The following CHCHD6 variants were observed in gnomAD, a reference collection of about 807,000 sequenced individuals.
The protein encoded by CHCHD6 is MICOS complex subunit MIC25.
In CHCHD6, 28 loss-of-function variants were observed where a neutral mutation model predicts 32.3. The observed-to-expected ratio is 0.87, with a 90% CI of 0.64 to 1.19. The LOEUF is 1.19. Among genes scored for constraint, CHCHD6 ranks in the 50% most tolerant of loss-of-function variants. The pLI, the probability that CHCHD6 is intolerant of heterozygous loss-of-function variation, is 0.00. For synonymous variants in CHCHD6, 122 were observed against 117.5 expected, an observed-to-expected ratio of 1.04 and a Z score of -0.25; for missense variants, 333 against 307.0, an observed-to-expected ratio of 1.08 and a Z score of -0.63.
intron 4 of CHCHD6, among the ~76,000 whole-genome samples, chr3:126,819,230 T>G (rs1940048930): frequency 6.6e-6 from 1 of 152,280 alleles, no homozygotes; most frequent in East Asian, 1.9e-4. Context: ...GCAGGCACAG[T>G]AGGCCTGAAT....
chr3:126,826,149 A>G (rs1477798214), intron 4 of CHCHD6, among the ~76,000 whole-genome samples: 1 of 152,212 alleles, frequency 6.6e-6, no homozygotes, highest in Admixed American at 6.5e-5. Flanking sequence ...CACCAATACT[A>G]AGATATTCCA....
intron 1 of CHCHD6, among the ~76,000 whole-genome samples, chr3:126,708,130 G>T (rs1471525445): frequency 6.6e-6 from 1 of 152,260 alleles, no homozygotes; most frequent in Non-Finnish European, 1.5e-5. Context: ...GATGTTGACT[G>T]TGGCCTGAGC....
intron 4 of CHCHD6, among the ~76,000 whole-genome samples, chr3:126,743,943 C>T (rs150804900): frequency 1.3e-5 from 2 of 152,218 alleles, no homozygotes; most frequent in East Asian, 1.9e-4. Flanking sequence ...AGATGGTATG[C>T]GCTGGCAGTG....
At chr3:126,786,438 C>T (rs1180633358) in intron 4 of CHCHD6, among the ~76,000 whole-genome samples, 2 of 152,176 alleles carry the variant, frequency 1.3e-5, no homozygotes, top group Non-Finnish European at 2.9e-5. Context: ...GTTTACAGTC[C>T]CACCAACAGT....
intron 6 of CHCHD6, among the ~76,000 whole-genome samples, chr3:126,929,195 G>A (rs2078367232): frequency 6.6e-6 from 1 of 152,182 alleles, no homozygotes; most frequent in Admixed American, 6.5e-5. Context: ...GCAGACACCT[G>A]ACTTGGAGTC....
chr3:126,705,625 A>G (rs1934448793), intron 1 of CHCHD6, among the ~76,000 whole-genome samples: 2 of 152,090 alleles, frequency 1.3e-5, no homozygotes, highest in Admixed American at 6.5e-5. Flanking sequence ...GTGCTTTGTA[A>G]GTAACTGTGG....
chr3:126,828,939 T>G (rs546802792), intron 4 of CHCHD6, among the ~76,000 whole-genome samples: 7 of 152,342 alleles, frequency 4.6e-5, no homozygotes, highest in African/African-American at 1.7e-4. Flanking sequence ...ATTTTTGACT[T>G]TATTTTTTTC....
At chr3:126,799,878 T>C (rs1022780045) in intron 4 of CHCHD6, among the ~76,000 whole-genome samples, 1 of 152,246 alleles carries the variant, frequency 6.6e-6, no homozygotes. Context: ...ATATGTTGTT[T>C]TGTAAACAGT....
At position 126,709,033 on chromosome 3, in the gene CHCHD6, T is replaced by C. The variant is rs147684676; in HGVS notation, c.87+4634T>C. The stretch of plus-strand genomic sequence containing the variant: ...ATTTGCATATATACTACACATATTC[T>C]CCTGTATACTTTAAATTATCTCCAG... On this transcript the variant is annotated intron_variant, in intron 1 of 7. Transcript: ENST00000290913. 2.5e-3 allele frequency among the ~76,000 whole-genome samples: 377 copies of C among 152,310 alleles called. 1 individual carries two copies. The highest frequency in any genetic ancestry group is 8.7e-3 in the African/African-American group (361 of 41,578).
At chr3:126,958,147 A>C (rs568968929) in intron 7 of CHCHD6, among the ~76,000 whole-genome samples, 1 of 151,174 alleles carries the variant, frequency 6.6e-6, no homozygotes, top group Admixed American at 6.6e-5. Context: ...GCCAGCTCCT[A>C]CTGCCTTCCT....
At chr3:126,746,815 T>A (rs1936522759) in intron 4 of CHCHD6, among the ~76,000 whole-genome samples, 1 of 152,180 alleles carries the variant, frequency 6.6e-6, no homozygotes, top group Non-Finnish European at 1.5e-5. Flanking sequence ...AGGTTTTCCT[T>A]TTTTTTCCTT....
intron 5 of CHCHD6, among the ~76,000 whole-genome samples, chr3:126,859,983 GAGA>G (rs991455457): frequency 6.6e-6 from 1 of 152,124 alleles, no homozygotes; most frequent in Non-Finnish European, 1.5e-5. Flanking sequence ...CCCAGCACTG[GAGA>G]AGGAGGAGGT....
chr3:126,904,667 G>C (rs573718083), intron 5 of CHCHD6, among the ~76,000 whole-genome samples: 7 of 152,200 alleles, frequency 4.6e-5, no homozygotes, highest in Non-Finnish European at 1.0e-4. Context: ...GCATGGTCTA[G>C]AACACTCAGC....
At position 126,825,871 on chromosome 3, in the gene CHCHD6, C is replaced by T. The variant is rs116061681; in HGVS notation, c.412-26776C>T. Among the ~76,000 whole-genome samples the T allele has an allele frequency of 6.5e-3, 992 of 152,270 alleles. 11 individuals are homozygous for T. Among genetic ancestry groups the T allele is most frequent in the African/African-American group, 0.023 (944 of 41,550 alleles). On this transcript the variant is annotated intron_variant, in intron 4 of 7. Transcript: ENST00000290913. ...AACCTGTGGGTTACCATTTCCAGAA[C>T]GATGCAACAAACACGTTTACTCTTT... is the stretch of plus-strand genomic sequence containing the variant.
chr3:126,711,323 G>C (rs968889786), intron 1 of CHCHD6, among the ~76,000 whole-genome samples: 9 of 152,178 alleles, frequency 5.9e-5, no homozygotes, highest in African/African-American at 2.2e-4. Context: ...AGACCTGTTC[G>C]GGATGTGTGC....
intron 4 of CHCHD6, among the ~76,000 whole-genome samples, chr3:126,844,782 G>A (rs973702105): frequency 6.6e-6 from 1 of 152,194 alleles, no homozygotes; most frequent in Non-Finnish European, 1.5e-5. Context: ...ATGTGATGGG[G>A]AGGTTATCCT....
intron 4 of CHCHD6, among the ~76,000 whole-genome samples, chr3:126,778,043 C>G (rs944952420): frequency 6.6e-6 from 1 of 152,202 alleles, no homozygotes; most frequent in Non-Finnish European, 1.5e-5. Context: ...GTCTTTGTGA[C>G]TAGCTTCTCA....
At chr3:126,822,764 G>A (rs1395442037) in intron 4 of CHCHD6, among the ~76,000 whole-genome samples, 2 of 152,160 alleles carry the variant, frequency 1.3e-5, no homozygotes, top group Admixed American at 1.3e-4. Flanking sequence ...AATTGCAGGA[G>A]GGCCTTTGTC....
chr3:126,846,270 G>A (rs1181186423), intron 4 of CHCHD6, among the ~76,000 whole-genome samples: 1 of 152,108 alleles, frequency 6.6e-6, no homozygotes, highest in Non-Finnish European at 1.5e-5. Flanking sequence ...TTTTCCCAGA[G>A]GACATTTGTC....
Sources: gnomAD v4.1 joint callset for allele counts (sites outside exome capture counted in the v4.1 genomes callset) on GRCh38, gnomAD v4.1.1 for gene constraint, MANE v1.5 for transcripts, NCBI Gene and HGNC (gene_info 2026-07-23, HGNC 2026-07-21) for gene names.